PIGN: variants seen among roughly 807,000 people sequenced by gnomAD.
PIGN encodes GPI ethanolamine phosphate transferase 1.
Under a neutral mutation model 125.4 loss-of-function variants are expected in PIGN, and 117 were observed. The observed-to-expected ratio is 0.93, with a 90% CI of 0.80 to 1.09. The LOEUF is 1.09. Ranked by LOEUF, PIGN falls within the 50% of genes least tolerant of loss-of-function variation. PIGN has a pLI of 0.00. For synonymous variants in PIGN, 392 were observed against 377.8 expected, an observed-to-expected ratio of 1.04 and a Z score of -0.44; for missense variants, 1,075 against 1,094.9, an observed-to-expected ratio of 0.98 and a Z score of 0.26.
intron 25 of PIGN, among the ~76,000 whole-genome samples, chr18:62,087,239 T>C (rs2033751731): frequency 6.6e-6 from 1 of 151,950 alleles, no homozygotes; most frequent in African/African-American, 2.4e-5. Flanking sequence ...AGAATAGAAG[T>C]GATATAAAAA....
Position 62,129,938 on chromosome 18 carries a change from A to G in PIGN, c.1172+8305T>C, listed in dbSNP as rs140641538. On this transcript the variant is annotated intron_variant, in intron 14 of 30. Transcript: ENST00000640252. ...TCAAGCTAAAGCACATTAATACTAA[A>G]TTAGGGTGAACCTTAAATCTAGTGA... Among the ~76,000 whole-genome samples the G allele has an allele frequency of 2.8e-3, 427 of 152,322 alleles. 1 individual carries two copies. The highest frequency in any genetic ancestry group is 9.8e-3 in the African/African-American group (406 of 41,582).
intron 27 of PIGN, among the ~76,000 whole-genome samples, chr18:62,084,288 A>G (rs2033585328): frequency 6.6e-6 from 1 of 152,210 alleles, no homozygotes; most frequent in Non-Finnish European, 1.5e-5. Flanking sequence ...CTTTAATCAC[A>G]TCTGATAAGA....
At chr18:62,127,211 T>TA (rs1305398603) in intron 14 of PIGN, among the ~76,000 whole-genome samples, 1 of 152,142 alleles carries the variant, frequency 6.6e-6, no homozygotes, top group Non-Finnish European at 1.5e-5. Context: ...TACATCCCAA[T>TA]AAACCCACCA....
chr18:62,114,495 AT>A, intron 15 of PIGN, 65 bp downstream of exon 15: 2 of 997,336 alleles, frequency 2.0e-6, no homozygotes, highest in South Asian at 1.4e-5. Flanking sequence ...ACTTTGCTCT[AT>A]TTTTCTCCTC....
intron 30 of PIGN, among the ~76,000 whole-genome samples, chr18:62,049,650 G>A (rs2031086044): frequency 6.8e-6 from 1 of 147,512 alleles, no homozygotes; most frequent in Non-Finnish European, 1.5e-5. Flanking sequence ...GTTGTAGGTT[G>A]CCTGTTCACT....
rs1388871914 is a variant in PIGN at position 62,095,900 on chromosome 18, A to G, written c.2128T>C (p.Leu710=). The change falls in exon 23 of 31, where the codon TTG becomes CTG. Residue 710 remains leucine (L), a synonymous_variant. Coordinates refer to ENST00000640252, the MANE Select transcript of PIGN (RefSeq NM_176787.5). ...LLSSPVLFQR[L]FSILLSLMST... ...ATCAATGAAAGAAGTATGCTGAACA[A>G]TCGCTGAAAGAGAACTGGAGAACTC... is the stretch of plus-strand genomic sequence containing the variant. 2.5e-6 allele frequency: 4 copies of G among 1,613,364 alleles called. No homozygotes were observed. The highest frequency in any genetic ancestry group is 3.4e-6 in the Non-Finnish European group (4 of 1,179,506).
chr18:62,139,254 A>G (rs1021978862), intron 12 of PIGN, among the ~76,000 whole-genome samples, 179 bp from the exon 13 acceptor site: 2 of 152,248 alleles, frequency 1.3e-5, no homozygotes, highest in Admixed American at 1.3e-4. Flanking sequence ...TTTTTCTCAC[A>G]AAGTAGATGT....
intron 1 of PIGN, among the ~76,000 whole-genome samples, chr18:62,174,719 A>G (rs1011918992): frequency 2.6e-5 from 4 of 152,094 alleles, no homozygotes; most frequent in Non-Finnish European, 4.4e-5. Context: ...AATTAATTAA[A>G]TCGGTTAAAT....
At chr18:62,113,552 T>C (rs2034966438) in intron 15 of PIGN, among the ~76,000 whole-genome samples, 1 of 152,198 alleles carries the variant, frequency 6.6e-6, no homozygotes, top group African/African-American at 2.4e-5. Flanking sequence ...ATTTTAAATG[T>C]AAACTATTTG....
At chr18:62,108,472 T>C (rs1043983902) in intron 17 of PIGN, among the ~76,000 whole-genome samples, 1 of 152,186 alleles carries the variant, frequency 6.6e-6, no homozygotes, top group Non-Finnish European at 1.5e-5. Flanking sequence ...AATATGCGTA[T>C]GCAACAACCC....
intron 20 of PIGN, among the ~76,000 whole-genome samples, chr18:62,104,477 A>G (rs1478245417): frequency 6.6e-6 from 1 of 152,188 alleles, no homozygotes; most frequent in African/African-American, 2.4e-5. Context: ...TTTGTCATAT[A>G]CTATTTATAG....
chr18:62,068,204 G>A (rs1171430171), intron 30 of PIGN, among the ~76,000 whole-genome samples: 2 of 152,114 alleles, frequency 1.3e-5, no homozygotes, highest in African/African-American at 2.4e-5. Context: ...GGAAGGAGAC[G>A]GGCTATGGAG....
chr18:62,155,941 T>C (rs1393138509), intron 6 of PIGN, among the ~76,000 whole-genome samples: 1 of 152,214 alleles, frequency 6.6e-6, no homozygotes, highest in Non-Finnish European at 1.5e-5. Context: ...TCTATGACTA[T>C]CATCTGTAAA....
In PIGN at chr18:62,085,258, A is replaced by T. The variant is rs765921530; in HGVS notation, c.2377T>A (p.Phe793Ile). 1 of 1,542,990 alleles carries T rather than the reference A, an allele frequency of 6.5e-7. No individual in the cohort carries two copies. Among genetic ancestry groups the T allele is most frequent in the South Asian group, 1.2e-5 (1 of 83,264 alleles). ...GTTCCAAAAAATGCTGTCACTAAGA[A>T]GAAAACCTAAAGGGAGTCAAGGAAA... is the stretch of plus-strand genomic sequence containing the variant. ...DIRRAFFLVF[F>I]LVTAFFGTGN... is the part of the protein sequence containing the mutation. The change falls in exon 26 of 31, where the codon TTC (phenylalanine) becomes ATC (isoleucine). Residue 793 changes from phenylalanine to isoleucine, a missense_variant. This residue lies in a region of PIGN where 915 missense variants were observed against 908.7 expected (regional missense o/e 1.01). Coordinates refer to ENST00000640252, the MANE Select transcript of PIGN (RefSeq NM_176787.5).
intron 16 of PIGN, chr18:62,110,248 GTTCAGAA>G (rs2034823107): frequency 3.5e-6 from 1 of 289,250 alleles, no homozygotes; most frequent in Admixed American, 5.0e-5. Context: ...CAAGTAACTT[GTTCAGAA>G]TTCTGAACAT....
At chr18:62,072,851 C>T (rs558749079) in intron 29 of PIGN, 126 bp from the exon 30 acceptor site, 10 of 605,530 alleles carry the variant, frequency 1.7e-5, no homozygotes, top group African/African-American at 1.3e-4. Context: ...CTGTAATCAA[C>T]AAGAATATGT....
In PIGN at chr18:62,160,324, T is replaced by G. The variant is rs76036315; in HGVS notation, c.221+809A>C. ...CCCTTTGTAAGTCCAAGAAATTAAA[T>G]ATTTCTTTTTAAAGCAACTTAACAG... is the stretch of plus-strand genomic sequence containing the variant. On this transcript the variant is annotated intron_variant, in intron 4 of 30. Coordinates refer to ENST00000640252, the MANE Select transcript of PIGN (RefSeq NM_176787.5). Among the ~76,000 whole-genome samples, 66 of 152,282 alleles carry G rather than the reference T, an allele frequency of 4.3e-4. 1 individual carries two copies. The East Asian group carries it at 0.012, about 28-fold the overall frequency.
chr18:62,139,288 T>G (rs904821102), intron 12 of PIGN, among the ~76,000 whole-genome samples: 16 of 152,232 alleles, frequency 1.1e-4, no homozygotes, highest in African/African-American at 3.6e-4. Flanking sequence ...AAGCAAGAGA[T>G]GAATTAAATT....
intron 1 of PIGN, among the ~76,000 whole-genome samples, chr18:62,179,580 C>CA (rs892010470): frequency 6.6e-6 from 1 of 151,968 alleles, no homozygotes; most frequent in East Asian, 1.9e-4. Context: ...CCCATCTCTA[C>CA]AAAAAATGCA....
Sources: gnomAD v4.1 joint callset for allele counts (sites outside exome capture counted in the v4.1 genomes callset) on GRCh38, gnomAD v4.1.1 for gene constraint, gnomAD v4.1.1 regional missense constraint, MANE v1.5 for transcripts, NCBI Gene and HGNC (gene_info 2026-07-23, HGNC 2026-07-21) for gene names.